The following EPCIP variants were observed in gnomAD, a reference collection of about 807,000 sequenced individuals.
EPCIP encodes the protein exosomal polycystin 1 interacting protein, also known as exosomal polycystin-1-interacting protein.
chr21:32,798,680 T>C, the EPCIP span: 1 of 151,940 alleles, frequency 6.6e-6, no homozygotes, highest in Non-Finnish European at 1.5e-5. Context: ...AATAAATAAA[T>C]ATGGCTGGGC....
chr21:32,813,477 G>A, the EPCIP span: 29 of 418,644 alleles, frequency 6.9e-5, no homozygotes, highest in South Asian at 4.4e-4. Context: ...AGGTGACCCT[G>A]ACAATGGTTC....
the EPCIP span, among the ~76,000 whole-genome samples, chr21:32,799,785 T>G: frequency 2.0e-5 from 3 of 152,104 alleles, no homozygotes; most frequent in African/African-American, 7.2e-5. Context: ...CTACTAAAAA[T>G]ACAAAAATTA....
the EPCIP span, among the ~76,000 whole-genome samples, chr21:32,809,008 T>C: frequency 6.6e-6 from 1 of 152,118 alleles, no homozygotes; most frequent in African/African-American, 2.4e-5. Flanking sequence ...CAACTCCAAA[T>C]GAATTCTTCA....
chr21:32,794,304 T>C, the EPCIP span: 4 of 1,614,272 alleles, frequency 2.5e-6, no homozygotes, highest in East Asian at 2.2e-5. Context: ...CAGTTCCGAA[T>C]GGTGTTTTCC....
chr21:32,809,282 T>TTCTTTCTC, the EPCIP span, among the ~76,000 whole-genome samples: 4 of 87,738 alleles, frequency 4.6e-5, no homozygotes, highest in African/African-American at 1.8e-4. Context: ...CCTCCTTCCT[T>TTCTTTCTC]TCTTTCTTTC....
chr21:32,804,297 G>A, the EPCIP span, among the ~76,000 whole-genome samples: 1 of 115,740 alleles, frequency 8.6e-6, no homozygotes, highest in African/African-American at 3.5e-5. Context: ...ATATATATAT[G>A]AATAGTACTA....
the EPCIP span, chr21:32,794,165 T>C: frequency 6.2e-7 from 1 of 1,614,138 alleles, no homozygotes; most frequent in African/African-American, 1.3e-5. Flanking sequence ...CGCAGATGTG[T>C]CCGTGAACCA....
At chr21:32,798,255 T>G in the EPCIP span, 1 of 152,174 alleles carries the variant, frequency 6.6e-6, no homozygotes, top group Non-Finnish European at 1.5e-5. Context: ...ATCACTTGAG[T>G]CTGAGAATTC....
chr21:32,796,982 C>A, the EPCIP span: 1 of 455,696 alleles, frequency 2.2e-6, no homozygotes. Flanking sequence ...GAAAAGAGAT[C>A]AGAAGAGAAA....
chr21:32,794,618 G>A, the EPCIP span: 2 of 615,718 alleles, frequency 3.2e-6, no homozygotes, highest in Non-Finnish European at 2.8e-6. Flanking sequence ...TGAGCCACAG[G>A]CAATGCTTGC....
At chr21:32,812,121 A>G in the EPCIP span, among the ~76,000 whole-genome samples, 1 of 152,258 alleles carries the variant, frequency 6.6e-6, no homozygotes, top group Non-Finnish European at 1.5e-5. Context: ...AAGAATTCTC[A>G]GAGAGTGAGC....
chr21:32,795,917 A>G, the EPCIP span, among the ~76,000 whole-genome samples: 1 of 152,080 alleles, frequency 6.6e-6, no homozygotes, highest in Non-Finnish European at 1.5e-5. Flanking sequence ...GACTGTATTC[A>G]TGCATTCATC....
the EPCIP span, chr21:32,810,507 C>T: frequency 1.1e-5 from 5 of 456,758 alleles, no homozygotes; most frequent in Admixed American, 2.4e-5. Flanking sequence ...GTGATCCGCC[C>T]GCCTCGGCCT....
chr21:32,803,965 C>A, the EPCIP span, among the ~76,000 whole-genome samples: 1 of 152,076 alleles, frequency 6.6e-6, no homozygotes, highest in African/African-American at 2.4e-5. Context: ...CTGATGTGAT[C>A]GGAATCTCAT....
At chr21:32,812,691 C>CT in the EPCIP span, among the ~76,000 whole-genome samples, 37 of 151,438 alleles carry the variant, frequency 2.4e-4, no homozygotes, top group African/African-American at 7.7e-4. Flanking sequence ...CAAATGAAGT[C>CT]TTTTTTTTGG....
chr21:32,793,822 A>G, the EPCIP span: 2 of 1,614,210 alleles, frequency 1.2e-6, no homozygotes, highest in Non-Finnish European at 1.7e-6. Flanking sequence ...TTCTAAAGTA[A>G]GAAAAGTCAG....
At chr21:32,812,560 C>T in the EPCIP span, among the ~76,000 whole-genome samples, 1 of 151,942 alleles carries the variant, frequency 6.6e-6, no homozygotes, top group African/African-American at 2.4e-5. Flanking sequence ...TGCCCAATTT[C>T]TGTCAGAAAA....
chr21:32,810,426 T>G, the EPCIP span: 1 of 288,696 alleles, frequency 3.5e-6, no homozygotes, highest in South Asian at 2.9e-5. Flanking sequence ...CGGTAATTTT[T>G]TTTTTTTTTT....
the EPCIP span, among the ~76,000 whole-genome samples, chr21:32,808,923 G>A: frequency 6.6e-6 from 1 of 152,174 alleles, no homozygotes; most frequent in Non-Finnish European, 1.5e-5. Flanking sequence ...TTTTGTGACA[G>A]CAGCAGAGCT....
Sources: allele counts gnomAD v4.1 joint callset (sites outside exome capture counted in the v4.1 genomes callset), GRCh38; gene constraint gnomAD v4.1.1; transcripts MANE v1.5; gene names NCBI Gene and HGNC (gene_info 2026-07-23, HGNC 2026-07-21).